SLC8B1: variants seen among roughly 807,000 people sequenced by gnomAD.
SLC8B1 encodes solute carrier family 8 member B1.
In SLC8B1, 52 loss-of-function variants were observed where a neutral mutation model predicts 63.4. That is an observed-to-expected ratio of 0.82 (90% CI 0.66 to 1.03). The LOEUF (loss-of-function observed/expected upper bound fraction) is 1.03. Ranked by LOEUF, SLC8B1 falls within the 50% of genes least tolerant of loss-of-function variation. The pLI, the probability that SLC8B1 is intolerant of heterozygous loss-of-function variation, is 0.00. For synonymous variants in SLC8B1, 336 were observed against 323.9 expected, an observed-to-expected ratio of 1.04 and a Z score of -0.40; for missense variants, 657 against 741.7, an observed-to-expected ratio of 0.89 and a Z score of 1.33.
chr12:113,324,402 CTTT>C (rs780610962), intron 2 of SLC8B1, among the ~76,000 whole-genome samples: 7 of 130,824 alleles, frequency 5.4e-5, no homozygotes, highest in Admixed American at 7.7e-5. Context: ...TCAGCTCTAC[CTTT>C]TTTTTTTTTT....
In SLC8B1 at chr12:113,320,487, G is replaced by A. The variant is rs1363580609; in HGVS notation, c.538C>T (p.Leu180=). 1 of 1,614,070 alleles carries A rather than the reference G, an allele frequency of 6.2e-7. No homozygotes were observed. Among genetic ancestry groups the A allele is most frequent in the African/African-American group, 1.3e-5 (1 of 75,042 alleles). The change falls in exon 7 of 16, where the codon CTG becomes TTG. Residue 180 remains leucine (L), a synonymous_variant. Coordinates refer to ENST00000680972, the MANE Select transcript of SLC8B1 (RefSeq NM_001358345.2). The surrounding 1 kb of genome is among the most constrained non-coding windows in gnomAD (Gnocchi z 5.3). ...CCTCCGGCCACCACTGTGGTAACCA[G>A]CACGCCAGCGCCTGGGGGGAGGAGG... ...ALGALFGAGV[L]VTTVVAGGIT... is the part of the protein sequence containing the mutation.
At chr12:113,322,792 CA>C (rs1027858901) in intron 2 of SLC8B1, among the ~76,000 whole-genome samples, 6 of 151,410 alleles carry the variant, frequency 4.0e-5, no homozygotes, top group African/African-American at 1.5e-4. Context: ...ACAAAAAATA[CA>C]AAAAAAACTA....
At chr12:113,303,451 C>CA (rs1312506866) in intron 15 of SLC8B1, among the ~76,000 whole-genome samples, 1 of 152,070 alleles carries the variant, frequency 6.6e-6, no homozygotes, top group Non-Finnish European at 1.5e-5. Flanking sequence ...TCATAACACT[C>CA]AAAGAGCTTT....
rs778071860 is a variant in SLC8B1 at position 113,310,336 on chromosome 12, G to A, written c.1155C>T (p.Gly385=). ...CCACGACCCAGACGGGAACGAGGCC[G>A]CCTATCTCATAGACACCATCTGCAA... ...QSGTYGVYEI[G]GLVPVWVVVV... Residue 385 remains glycine, a synonymous_variant, in exon 12 of 16, where the codon GGC becomes GGT. Coordinates refer to ENST00000680972, the MANE Select transcript of SLC8B1 (RefSeq NM_001358345.2). 40 of 1,613,660 alleles carry A rather than the reference G, an allele frequency of 2.5e-5. No homozygotes were observed. Among genetic ancestry groups the A allele is most frequent in the Middle Eastern group, 1.6e-4 (1 of 6,084 alleles).
intron 12 of SLC8B1, chr12:113,308,120 G>A (rs1956701943): frequency 3.3e-6 from 1 of 299,424 alleles, no homozygotes; most frequent in Non-Finnish European, 6.3e-6. Context: ...GCCGAGGCGG[G>A]CAGATCACCT....
intron 8 of SLC8B1, among the ~76,000 whole-genome samples, chr12:113,317,932 G>C (rs1042652574): frequency 4.1e-4 from 63 of 152,300 alleles, no homozygotes; most frequent in African/African-American, 1.2e-3. Context: ...TGTTGCATGT[G>C]TGTGCATGTA....
At chr12:113,332,702 G>C (rs1025513415) in intron 2 of SLC8B1, 21 bp downstream of exon 2, 6 of 1,608,070 alleles carry the variant, frequency 3.7e-6, no homozygotes, top group Non-Finnish European at 5.1e-6. Context: ...CTCAACCCCA[G>C]GTTCCTACCG....
intron 15 of SLC8B1, among the ~76,000 whole-genome samples, chr12:113,303,830 A>G (rs975098663): frequency 6.6e-6 from 1 of 152,062 alleles, no homozygotes; most frequent in African/African-American, 2.4e-5. Flanking sequence ...TGGTGTCATC[A>G]ATCTCATTTT....
intron 2 of SLC8B1, among the ~76,000 whole-genome samples, chr12:113,324,942 G>A (rs1350127860): frequency 6.6e-6 from 1 of 152,082 alleles, no homozygotes; most frequent in Non-Finnish European, 1.5e-5. Flanking sequence ...GACCTCAAGT[G>A]ATCCACCTAC....
intron 15 of SLC8B1, 38 bp downstream of exon 15, chr12:113,304,283 T>C (rs1316464399): frequency 6.2e-7 from 1 of 1,600,252 alleles, no homozygotes. Flanking sequence ...AGCTACATCT[T>C]GGTTATATAC....
chr12:113,299,565 C>T lies in SLC8B1; in HGVS notation c.*212G>A. ...TTTGTCCAGAGCAAAGCCAGGTTTC[C>T]AAGGTCCCCACGGCAAGGCTGTTGG... On this transcript the variant is annotated 3_prime_UTR_variant, in exon 16 of 16. Transcript: ENST00000680972. The T allele has an allele frequency of 3.5e-6, 2 of 574,332 alleles. No homozygotes were observed. The highest frequency in any genetic ancestry group is 6.0e-5 in the East Asian group (2 of 33,350). 35.6% of individuals were successfully genotyped at this position (574,332 alleles called of 1,614,324 possible). A position where few individuals can be genotyped will look rare whatever the true frequency, so the allele number is the denominator to read the frequency against.
intron 11 of SLC8B1, among the ~76,000 whole-genome samples, chr12:113,313,373 G>A (rs560574119): frequency 1.3e-5 from 2 of 151,320 alleles, no homozygotes; most frequent in South Asian, 4.2e-4. Flanking sequence ...GTGCATGCCT[G>A]TAGTCCCAGC....
chr12:113,332,064 T>C lies in SLC8B1; in HGVS notation c.156+659A>G, dbSNP rs114827557. ...AGAATCTTTGTACTTGCTGTTCCCT[T>C]TGCCCAGAATGCTCTTCCCCGGGGT... On this transcript the variant is annotated intron_variant, in intron 2 of 15. Transcript: ENST00000680972. Among the ~76,000 whole-genome samples the C allele has an allele frequency of 7.8e-3, 1,195 of 152,276 alleles. 15 individuals carry two copies. Among genetic ancestry groups the C allele is most frequent in the African/African-American group, 0.026 (1,093 of 41,546 alleles).
In SLC8B1 at chr12:113,322,020, C is replaced by T. The variant is rs902939104; in HGVS notation, c.157-672G>A. Among the ~76,000 whole-genome samples, 9 of 151,800 alleles carry T rather than the reference C, an allele frequency of 5.9e-5. No homozygotes were observed. In the East Asian group the frequency reaches 1.4e-3, roughly 23 times the overall value. ...CCAGCCTGGACAACATAGCAAGACCCCATCTCTGCAAAAAAATAAAATAAA... is the reference window on the plus strand; with the variant it reads ...CCAGCCTGGACAACATAGCAAGACCTCATCTCTGCAAAAAAATAAAATAAA... On this transcript the variant is annotated intron_variant, in intron 2 of 15. Coordinates refer to ENST00000680972, the MANE Select transcript of SLC8B1 (RefSeq NM_001358345.2).
chr12:113,330,638 C>T (rs749018770), intron 2 of SLC8B1, among the ~76,000 whole-genome samples: 2 of 152,202 alleles, frequency 1.3e-5, no homozygotes, highest in African/African-American at 2.4e-5. Flanking sequence ...CCAAGGAGCA[C>T]GCTCCAAGAG....
chr12:113,316,844 C>A, intron 9 of SLC8B1, 98 bp downstream of exon 9: 1 of 1,507,846 alleles, frequency 6.6e-7, no homozygotes, highest in Non-Finnish European at 9.1e-7. Context: ...CGATTTGGAG[C>A]CTCATTCCTG....
rs527568523 is a variant in SLC8B1, at chr12:113,305,376, C to G, written c.1493-991G>C. Among the ~76,000 whole-genome samples, 1 of 152,392 alleles carries G rather than the reference C, an allele frequency of 6.6e-6. No individual in the cohort carries two copies. Among genetic ancestry groups the G allele is most frequent in the East Asian group, 1.9e-4 (1 of 5,190 alleles). On this transcript the variant is annotated intron_variant, in intron 14 of 15. Coordinates refer to ENST00000680972, the MANE Select transcript of SLC8B1 (RefSeq NM_001358345.2). This position sits in a 1 kb window ranked among gnomAD's most constrained non-coding sequence, Gnocchi z 4.3. ...CCGGCCAACTGCTCACACTGCAGCC[C>G]CTGGTGAGGCTCTGTCATCGTGGAG...
intron 11 of SLC8B1, among the ~76,000 whole-genome samples, chr12:113,313,794 G>C (rs1446617810): frequency 6.6e-6 from 1 of 151,962 alleles, no homozygotes; most frequent in African/African-American, 2.4e-5. Flanking sequence ...GCAAAATTGA[G>C]AAGATGGTCT....
chr12:113,321,198 A>G lies in SLC8B1; in HGVS notation c.307T>C (p.Tyr103His). Residue 103 changes from tyrosine (Y) to histidine (H), a missense_variant and splice_region_variant, in exon 3 of 16, where the codon TAC becomes CAC. Coordinates refer to ENST00000680972, the MANE Select transcript of SLC8B1 (RefSeq NM_001358345.2). ...PSLLPLAVTL[Y>H]VSWLLYLFLI... is the part of the protein sequence containing the mutation. ...AGCCCCCCAGGGCAGGGCCTCACGT[A>G]GAGAGTGACAGCCAGAGGGAGGAGG... The G allele has an allele frequency of 6.2e-7, 1 of 1,613,978 alleles. No individual in the cohort carries two copies. The highest frequency in any genetic ancestry group is 8.5e-7 in the Non-Finnish European group (1 of 1,179,832).
Sources: allele counts gnomAD v4.1 joint callset (sites outside exome capture counted in the v4.1 genomes callset), GRCh38; gene constraint gnomAD v4.1.1; non-coding constraint Gnocchi (gnomAD v3.1); transcripts MANE v1.5; gene names NCBI Gene and HGNC (gene_info 2026-07-23, HGNC 2026-07-21).